Variants in STARD5 observed in about 807,000 individuals in gnomAD.
STARD5 encodes StAR related lipid transfer domain containing 5, also known as stAR-related lipid transfer protein 5.
STARD5 carries 26 observed loss-of-function variants against 24.6 expected under a neutral mutation model. The observed-to-expected ratio is 1.06, with a 90% CI of 0.77 to 1.47. The LOEUF is 1.47. Among genes scored for constraint, STARD5 ranks in the 40% most tolerant of loss-of-function variants. The pLI, the probability that STARD5 is intolerant of heterozygous loss-of-function variation, is 0.00. For synonymous variants in STARD5, 101 were observed against 99.7 expected (o/e 1.01, Z -0.07); for missense variants, 254 against 270.8 (o/e 0.94, Z 0.44).
intron 3 of STARD5, among the ~76,000 whole-genome samples, chr15:81,319,680 G>A (rs1901156060): frequency 6.6e-6 from 1 of 152,194 alleles, no homozygotes; most frequent in African/African-American, 2.4e-5. Flanking sequence ...CTGTCTAGCT[G>A]CAGACCAGTG....
chr15:81,317,806 A>C (rs1403339627), intron 5 of STARD5, among the ~76,000 whole-genome samples: 2 of 152,186 alleles, frequency 1.3e-5, no homozygotes, highest in Admixed American at 1.3e-4. Flanking sequence ...AATTCATTAC[A>C]CAGAAATTTC....
In STARD5 at chr15:81,311,716, A is replaced by G. The variant is rs1900863746; in HGVS notation, c.*1540T>C. 6.6e-6 allele frequency: 1 copy of G among 152,232 alleles called. No homozygotes were observed. The highest frequency in any genetic ancestry group is 6.5e-5 in the Admixed American group (1 of 15,286). The allele number at this position is 152,232 out of a possible 1,614,324, so 9.4% of individuals were successfully genotyped here. A position where few individuals can be genotyped will look rare whatever the true frequency, so the allele number is the denominator to read the frequency against. ...AATTGGCTGAACTCATGAGAAGTTG[A>G]TATAGAACAGTGCTTGCCACAGAGC... On this transcript the variant is annotated 3_prime_UTR_variant, in exon 6 of 6. Coordinates refer to ENST00000302824, the MANE Select transcript of STARD5 (RefSeq NM_181900.3).
rs769776976 is a variant in STARD5 at position 81,324,092 on chromosome 15, G to A, written c.8C>T (p.Pro3Leu). 2 of 1,486,074 alleles carry A rather than the reference G, an allele frequency of 1.3e-6. No homozygotes were observed. Among genetic ancestry groups the A allele is most frequent in the Admixed American group, 2.0e-5 (1 of 48,918 alleles). 92.1% of individuals were successfully genotyped at this position (1,486,074 alleles called of 1,614,324 possible). MD[P>L]ALAAQMSEAV... is the part of the protein sequence containing the mutation. The stretch of plus-strand genomic sequence containing the variant: ...CTCGCTCATCTGGGCTGCCAGCGCC[G>A]GGTCCATTGCGTCGGGAGCTGCGCT... The change falls in exon 1 of 6, where the codon CCG becomes CTG. Residue 3 changes from proline to leucine, a missense_variant. Coordinates refer to ENST00000302824, the MANE Select transcript of STARD5 (RefSeq NM_181900.3).
rs536866507 is a variant in STARD5 at position 81,318,336 on chromosome 15, T to C, written c.494+73A>G. On this transcript the variant is annotated intron_variant, in intron 5 of 5. Transcript: ENST00000302824. ...TTTGAATCGTAGTCAAAGTGCCCCT[T>C]TTCACAGAAGGTCCACAGGGAAGTC... 20 of 1,323,832 alleles carry C rather than the reference T, an allele frequency of 1.5e-5. No individual in the cohort carries two copies. In the African/African-American group the frequency reaches 2.9e-4, roughly 19 times the overall value. 82.0% of individuals were successfully genotyped at this position (1,323,832 alleles called of 1,614,324 possible). A position where few individuals can be genotyped will look rare whatever the true frequency, so the allele number is the denominator to read the frequency against.
chr15:81,319,205 G>A (rs564660471), intron 4 of STARD5, 134 bp downstream of exon 4: 2 of 798,126 alleles, frequency 2.5e-6, no homozygotes, highest in East Asian at 2.5e-5. Context: ...AACCCAACCA[G>A]ATGAGGTAGG....
Position 81,311,560 on chromosome 15 carries a change from T to C in STARD5, c.*1696A>G, listed in dbSNP as rs1042093477. The C allele has an allele frequency of 2.6e-5, 4 of 152,356 alleles. No individual in the cohort carries two copies. The highest frequency in any genetic ancestry group is 2.1e-4 in the South Asian group (1 of 4,828). The allele number at this position is 152,356 out of a possible 1,614,324, so 9.4% of individuals were successfully genotyped here. On this transcript the variant is annotated 3_prime_UTR_variant, in exon 6 of 6. Coordinates refer to ENST00000302824, the MANE Select transcript of STARD5 (RefSeq NM_181900.3). ...TGTCCCATAGGCCCAGTGAGATGCA[T>C]TCTTGGTTGGCTGGCCTTCCACTTG...
At position 81,322,600 on chromosome 15, in the gene STARD5, G is replaced by T. The variant is rs1314549915; in HGVS notation, c.150-60C>A. On this transcript the variant is annotated intron_variant, in intron 2 of 5. Transcript: ENST00000302824. The stretch of plus-strand genomic sequence containing the variant: ...CAATCAAACTTGTTATCTTGAGATT[G>T]TATCTAAGGACTAGAAGGTGGACCA... 1.9e-5 allele frequency: 30 copies of T among 1,610,884 alleles called. No individual in the cohort carries two copies. In the East Asian group the frequency reaches 6.7e-4, roughly 36 times the overall value.
In STARD5 at chr15:81,309,126, A is replaced by C. The variant is rs2141654759; in HGVS notation, c.*4130T>G. The stretch of plus-strand genomic sequence containing the variant: ...CATGCCTGGCTTCGCAAAATGTTTC[A>C]AGTACTGTAACTGTGTCATGATTCA... On this transcript the variant is annotated 3_prime_UTR_variant, in exon 6 of 6. Transcript: ENST00000302824. 3 of 249,900 alleles carry C rather than the reference A, an allele frequency of 1.2e-5. No individual in the cohort carries two copies. Among genetic ancestry groups the C allele is most frequent in the Non-Finnish European group, 2.3e-5 (3 of 130,564 alleles). 15.5% of individuals were successfully genotyped at this position (249,900 alleles called of 1,614,324 possible). A position where few individuals can be genotyped will look rare whatever the true frequency, so the allele number is the denominator to read the frequency against.
Position 81,310,456 on chromosome 15 carries a change from T to C in STARD5, c.*2800A>G, listed in dbSNP as rs1567051959. 1 of 152,206 alleles carries C rather than the reference T, an allele frequency of 6.6e-6. No homozygotes were observed. Among genetic ancestry groups the C allele is most frequent in the Non-Finnish European group, 1.5e-5 (1 of 68,042 alleles). The allele number at this position is 152,206 out of a possible 1,614,324, so 9.4% of individuals were successfully genotyped here. The stretch of plus-strand genomic sequence containing the variant: ...CCTGCTGGTTAACTTGTTTGGCCTA[T>C]TCCATTCTGGATTTTGTCAAGCAGT... On this transcript the variant is annotated 3_prime_UTR_variant, in exon 6 of 6. Transcript: ENST00000302824.
At position 81,322,950 on chromosome 15, in the gene STARD5, T is replaced by C; in HGVS notation, c.100-2A>G. On this transcript the variant is annotated splice_acceptor_variant, in intron 1 of 5. Transcript: ENST00000302824. LOFTEE classifies it high-confidence loss of function. Reference sequence around the variant, plus strand: ...CCTCCAGGAAACTGAAACTCCATTCTGTCAAAAGGCACAGAACCACAGAAT... The same window carrying C: ...CCTCCAGGAAACTGAAACTCCATTCCGTCAAAAGGCACAGAACCACAGAAT... 8 of 1,614,038 alleles carry C rather than the reference T, an allele frequency of 5.0e-6. No individual in the cohort carries two copies. Among genetic ancestry groups the C allele is most frequent in the Non-Finnish European group, 6.8e-6 (8 of 1,180,014 alleles).
chr15:81,319,668 A>G (rs1901155895), intron 3 of STARD5, among the ~76,000 whole-genome samples: 1 of 152,234 alleles, frequency 6.6e-6, no homozygotes, highest in Admixed American at 6.5e-5. Flanking sequence ...GGCTGCCCAC[A>G]GCTGTCTAGC....
In STARD5 at chr15:81,310,181, C is replaced by T. The variant is rs181312685; in HGVS notation, c.*3075G>A. 1.3e-5 allele frequency: 2 copies of T among 152,360 alleles called. No homozygotes were observed. The highest frequency in any genetic ancestry group is 4.8e-5 in the African/African-American group (2 of 41,568). 9.4% of individuals were successfully genotyped at this position (152,360 alleles called of 1,614,324 possible). A position where few individuals can be genotyped will look rare whatever the true frequency, so the allele number is the denominator to read the frequency against. On this transcript the variant is annotated 3_prime_UTR_variant, in exon 6 of 6. Coordinates refer to ENST00000302824, the MANE Select transcript of STARD5 (RefSeq NM_181900.3). Reference sequence around the variant, plus strand: ...TGTGAAGTAAGGATGTGGGGGAAGACCTGGCAAGGACACAGATGAAACACA... The same window carrying T: ...TGTGAAGTAAGGATGTGGGGGAAGATCTGGCAAGGACACAGATGAAACACA...
At chr15:81,323,352 C>G (rs1275900858) in intron 1 of STARD5, 2 of 294,374 alleles carry the variant, frequency 6.8e-6, no homozygotes, top group South Asian at 3.5e-5. Context: ...CAAAACTACT[C>G]CCATGCTACC....
At position 81,309,581 on chromosome 15, in the gene STARD5, TAC is replaced by T. The variant is rs1470818185; in HGVS notation, c.*3673_*3674del. On this transcript the variant is annotated 3_prime_UTR_variant, in exon 6 of 6. Transcript: ENST00000302824. ...TATTGCTGGGGTCATTTATGAAAAA[TAC>T]AGTTTGTCACATGAAACATTTGCAA... is the stretch of plus-strand genomic sequence containing the variant. 2.6e-5 allele frequency: 4 copies of T among 152,210 alleles called. No individual in the cohort carries two copies. Among genetic ancestry groups the T allele is most frequent in the African/African-American group, 4.8e-5 (2 of 41,440 alleles). The allele number at this position is 152,210 out of a possible 1,614,324, so 9.4% of individuals were successfully genotyped here. A position where few individuals can be genotyped will look rare whatever the true frequency, so the allele number is the denominator to read the frequency against.
intron 3 of STARD5, among the ~76,000 whole-genome samples, chr15:81,320,466 G>C (rs1901173849): frequency 6.6e-6 from 1 of 152,204 alleles, no homozygotes; most frequent in Non-Finnish European, 1.5e-5. Context: ...CCTGCACACA[G>C]GGTCTCCTTT....
intron 3 of STARD5, 84 bp from the exon 4 acceptor site, chr15:81,319,540 A>T: frequency 8.3e-7 from 1 of 1,211,558 alleles, no homozygotes; most frequent in Non-Finnish European, 1.2e-6. Flanking sequence ...AGGTCTGGGA[A>T]AGGTACTAGG....
chr15:81,318,602 C>A (rs1567055901), intron 4 of STARD5, 100 bp from the exon 5 acceptor site: 2 of 1,077,612 alleles, frequency 1.9e-6, no homozygotes, highest in Non-Finnish European at 2.8e-6. Context: ...ACCTGCAGCC[C>A]TGGAGTCTGT....
At chr15:81,322,790 A>C in intron 2 of STARD5, 109 bp downstream of exon 2, 4 of 1,409,516 alleles carry the variant, frequency 2.8e-6, no homozygotes, top group South Asian at 1.2e-5. Context: ...CTGGAGGACA[A>C]GTGATCACAG....
chr15:81,315,141 T>C (rs1163248959), intron 5 of STARD5, among the ~76,000 whole-genome samples: 1 of 152,008 alleles, frequency 6.6e-6, no homozygotes, highest in African/African-American at 2.4e-5. Context: ...CACCAACCCC[T>C]GCCCATCCCG....
Sources: gnomAD v4.1 joint callset for allele counts (sites outside exome capture counted in the v4.1 genomes callset) on GRCh38, gnomAD v4.1.1 for gene constraint, MANE v1.5 for transcripts, NCBI Gene and HGNC (gene_info 2026-07-23, HGNC 2026-07-21) for gene names.